The following SZT2 variants were observed in gnomAD, a reference collection of about 807,000 sequenced individuals.
SZT2 encodes the protein KICSTOR complex protein SZT2.
SZT2 carries 216 observed loss-of-function variants against 404.2 expected under a neutral mutation model. That is an observed-to-expected ratio of 0.53 (90% CI 0.48 to 0.60). The LOEUF is 0.60. SZT2 is among the 20% of genes least tolerant of loss of function. The pLI, the probability that SZT2 is intolerant of heterozygous loss-of-function variation, is 0.00. For missense variants in SZT2, 3,857 were observed against 4,459.2 expected (o/e 0.86, Z 3.85); for synonymous variants, 1,693 against 1,749.9 (o/e 0.97, Z 0.81).
intron 63 of SZT2, 90 bp from the exon 64 acceptor site, chr1:43,446,089 C>T: frequency 6.3e-7 from 1 of 1,583,132 alleles, no homozygotes; most frequent in Non-Finnish European, 8.7e-7. Context: ...CCCAGACTGA[C>T]ACCATTAAAG....
intron 4 of SZT2, among the ~76,000 whole-genome samples, chr1:43,410,908 G>A (rs970572189): frequency 2.0e-5 from 3 of 151,008 alleles, no homozygotes; most frequent in Non-Finnish European, 4.4e-5. Flanking sequence ...ATTGGGGGTT[G>A]GGGGGGGATC....
At chr1:43,435,582 A>G (rs1654376460) in intron 42 of SZT2, 1 of 400,032 alleles carries the variant, frequency 2.5e-6, no homozygotes, top group Non-Finnish European at 4.5e-6. Flanking sequence ...GAAAAGTGAA[A>G]GAGGGTGATA....
Position 43,442,639 on chromosome 1 carries a change from T to TC in SZT2, c.8151+23dup. 1 of 1,577,514 alleles carries TC rather than the reference T, an allele frequency of 6.3e-7. No individual in the cohort carries two copies. The highest frequency in any genetic ancestry group is 8.6e-7 in the Non-Finnish European group (1 of 1,160,914). ...AAAAGGTGCCTGCTGCTCTGGTTCT[T>TC]CCTATAGTTTTGGCTACTGAGGGGT... On this transcript the variant is annotated intron_variant, in intron 58 of 71. Transcript: ENST00000634258. The surrounding 1 kb of genome is among the most constrained non-coding windows in gnomAD (Gnocchi z 4.5).
At position 43,453,066 on chromosome 1, in the gene SZT2, G is replaced by C; in HGVS notation, c.*2586G>C. 1 of 991,746 alleles carries C rather than the reference G, an allele frequency of 1.0e-6. No individual in the cohort carries two copies. The highest frequency in any genetic ancestry group is 2.0e-5 in the Admixed American group (1 of 51,172). 61.4% of individuals were successfully genotyped at this position (991,746 alleles called of 1,614,324 possible). ...CTTTCTCTGATCCAGACAGGGTTAGGTGCCTACCCTGCTCCCACAGCTTCC... is the reference window on the plus strand; with the variant it reads ...CTTTCTCTGATCCAGACAGGGTTAGCTGCCTACCCTGCTCCCACAGCTTCC... On this transcript the variant is annotated 3_prime_UTR_variant, in exon 72 of 72. Transcript: ENST00000634258.
In SZT2 at chr1:43,403,229, C is replaced by T; in HGVS notation, c.80C>T (p.Ser27Phe). Residue 27 changes from serine to phenylalanine, a missense_variant, in exon 2 of 72, where the codon TCC (serine) becomes TTC (phenylalanine). Ser to Phe is a radical substitution (Grantham distance 155, BLOSUM62 -2). This residue lies in a region of SZT2 where 536 missense variants were observed against 637.4 expected (regional missense o/e 0.84). Coordinates refer to ENST00000634258, the MANE Select transcript of SZT2 (RefSeq NM_001365999.1). ...TTAATGAAAAAGGATTATCGAATCT[C>T]CCGAAATGTTCGCCTGGCTTGGTTC... Reference protein sequence around the residue: ...FLLMKKDYRISRNVRLAWFLS... With the variant: ...FLLMKKDYRIFRNVRLAWFLS... The T allele has an allele frequency of 6.2e-7, 1 of 1,614,132 alleles. No homozygotes were observed. Among genetic ancestry groups the T allele is most frequent in the Non-Finnish European group, 8.5e-7 (1 of 1,180,018 alleles).
At chr1:43,431,992 GA>G in intron 36 of SZT2, 91 bp downstream of exon 36, 1 of 1,466,954 alleles carries the variant, frequency 6.8e-7, no homozygotes, top group Non-Finnish European at 9.4e-7. Flanking sequence ...CTGTTAGTTC[GA>G]ACTCATAGAG....
Position 43,452,882 on chromosome 1 carries a change from C to T in SZT2, c.*2402C>T. The T allele has an allele frequency of 6.3e-7, 1 of 1,583,570 alleles. No individual in the cohort carries two copies. The highest frequency in any genetic ancestry group is 8.6e-7 in the Non-Finnish European group (1 of 1,165,812). On this transcript the variant is annotated 3_prime_UTR_variant, in exon 72 of 72. Transcript: ENST00000634258. ...CTCCAAGCAGACATTCCAGGCCTCC[C>T]CATCCCAACAGGCTACATACATGTC...
At position 43,426,031 on chromosome 1, in the gene SZT2, C is replaced by G; in HGVS notation, c.2930-7C>G. 6.2e-7 allele frequency: 1 copy of G among 1,613,938 alleles called. No homozygotes were observed. Among genetic ancestry groups the G allele is most frequent in the Non-Finnish European group, 8.5e-7 (1 of 1,179,898 alleles). Reference sequence around the variant, plus strand: ...TCTCACTGTGTCCTGTCCTTCCTCCCTCGTAGGATTGGATCAGGGAGGAGA... The same window carrying G: ...TCTCACTGTGTCCTGTCCTTCCTCCGTCGTAGGATTGGATCAGGGAGGAGA... On this transcript the variant is annotated splice_region_variant and splice_polypyrimidine_tract_variant and intron_variant, in intron 20 of 71. Coordinates refer to ENST00000634258, the MANE Select transcript of SZT2 (RefSeq NM_001365999.1). This position sits in a 1 kb window ranked among gnomAD's most constrained non-coding sequence, Gnocchi z 4.9.
Position 43,428,033 on chromosome 1 carries a change from C to G in SZT2, c.3834C>G (p.Ser1278=), listed in dbSNP as rs767656103. Residue 1278 remains serine, a synonymous_variant, in exon 27 of 72, where the codon TCC becomes TCG. Coordinates refer to ENST00000634258, the MANE Select transcript of SZT2 (RefSeq NM_001365999.1). ...AGTTCCTCGACCACCCCTCCCCATC[C>G]TCAGCCTGGATGGAACCCCGGTACA... ...RTQFLDHPSP[S]SAWMEPRYKE... The G allele has an allele frequency of 4.3e-6, 7 of 1,614,194 alleles. No individual in the cohort carries two copies. The highest frequency in any genetic ancestry group is 5.9e-6 in the Non-Finnish European group (7 of 1,180,028).
rs140080994 is a variant in SZT2 at position 43,432,400 on chromosome 1, G to A, written c.5403G>A (p.Trp1801Ter). 2 of 1,591,358 alleles carry A rather than the reference G, an allele frequency of 1.3e-6. No individual in the cohort carries two copies. Among genetic ancestry groups the A allele is most frequent in the East Asian group, 2.2e-5 (1 of 44,774 alleles). The change falls in exon 37 of 72, where the codon TGG becomes TGA. Residue 1801 changes from tryptophan to a stop codon, truncating the protein, a stop_gained. Transcript: ENST00000634258. LOFTEE classifies it high-confidence loss of function. The stretch of plus-strand genomic sequence containing the variant: ...AGCCTTCTTCAGCGGCCTGGGCTTG[G>A]CACAGTCATGAGGACAGGGCTGAAG... ...HGEPSSAAWA[W>*]HSHEDRAEGI... is the part of the protein sequence containing the mutation.
At chr1:43,413,927 G>A (rs1371391274) in intron 4 of SZT2, among the ~76,000 whole-genome samples, 1 of 152,148 alleles carries the variant, frequency 6.6e-6, no homozygotes, top group African/African-American at 2.4e-5. Context: ...GTAATTTATT[G>A]TACATTTAAA....
chr1:43,441,735 C>T lies in SZT2; in HGVS notation c.7659C>T (p.Leu2553=). ...RSSAHMVSRF[L]LPSILSEFTA... The stretch of plus-strand genomic sequence containing the variant: ...CTGCCCACATGGTGTCCCGGTTCCT[C>T]CTTCCATCCATCCTGTCTGAGTTCA... The change falls in exon 55 of 72, where the codon CTC becomes CTT. Residue 2553 remains leucine, a synonymous_variant. Transcript: ENST00000634258. The surrounding 1 kb of genome is among the most constrained non-coding windows in gnomAD (Gnocchi z 4.8). 1 of 1,614,206 alleles carries T rather than the reference C, an allele frequency of 6.2e-7. No homozygotes were observed.
rs1198661692 is a variant in SZT2, at chr1:43,443,716, T to C, written c.8745T>C (p.Ala2915=). 3.1e-6 allele frequency: 5 copies of C among 1,614,232 alleles called. No homozygotes were observed. Among genetic ancestry groups the C allele is most frequent in the Non-Finnish European group, 4.2e-6 (5 of 1,180,020 alleles). Reference sequence around the variant, plus strand: ...CTTGGCTGAAGGAGCTGAGCTTGGCTTTCCTGCAGCAATATGTGCAGTATC... The same window carrying C: ...CTTGGCTGAAGGAGCTGAGCTTGGCCTTCCTGCAGCAATATGTGCAGTATC... ...EEPWLKELSL[A]FLQQYVQYLQ... The change falls in exon 62 of 72, where the codon GCT becomes GCC. Residue 2915 remains alanine (A), a synonymous_variant. Coordinates refer to ENST00000634258, the MANE Select transcript of SZT2 (RefSeq NM_001365999.1).
Position 43,426,387 on chromosome 1 carries a change from C to G in SZT2, c.3063C>G (p.Phe1021Leu), listed in dbSNP as rs1291191469. 1 of 1,567,174 alleles carries G rather than the reference C, an allele frequency of 6.4e-7. No individual in the cohort carries two copies. Among genetic ancestry groups the G allele is most frequent in the Non-Finnish European group, 8.6e-7 (1 of 1,162,172 alleles). The change falls in exon 22 of 72, where the codon TTC becomes TTG. Residue 1021 changes from phenylalanine to leucine, a missense_variant. By Grantham distance (22) the Phe-to-Leu change is conservative. Transcript: ENST00000634258. This position sits in a 1 kb window ranked among gnomAD's most constrained non-coding sequence, Gnocchi z 4.9. ...LLAREPEGVP[F>L]AEGSCPANDM... The stretch of plus-strand genomic sequence containing the variant: ...GGGCAGAGCCAGAGGGTGTCCCTTT[C>G]GCCGAGGGGTCCTGTCCTGCCAACG...
At chr1:43,404,724 C>T (rs1374549974) in intron 4 of SZT2, 174 bp downstream of exon 4, 5 of 618,500 alleles carry the variant, frequency 8.1e-6, no homozygotes, top group African/African-American at 3.7e-5. Context: ...AGAACCAGTT[C>T]CTCTGGACTT....
chr1:43,447,443 C>A, intron 66 of SZT2, 102 bp from the exon 67 acceptor site: 3 of 1,461,204 alleles, frequency 2.1e-6, no homozygotes, highest in Non-Finnish European at 1.8e-6. Flanking sequence ...ACCCACTCTG[C>A]CTGCCAGTCA....
At position 43,440,524 on chromosome 1, in the gene SZT2, G is replaced by A. The variant is rs1412788408; in HGVS notation, c.7282G>A (p.Val2428Ile). The change falls in exon 52 of 72, where the codon GTC becomes ATC. Residue 2428 changes from valine (V) to isoleucine (I), a missense_variant. Val to Ile is a conservative substitution (Grantham distance 29). Around this residue, in one of 7 missense-constraint regions of SZT2, gnomAD observed 573 missense variants for 592.4 expected, o/e 0.97. Transcript: ENST00000634258. ...AGCTAGCACCTTTCCCCCTGCCCCT[G>A]TCCCTGGGGAGCCTGTGACTCCACC... ...GRASTFPPAP[V>I]PGEPVTPPSK... 3 of 1,608,588 alleles carry A rather than the reference G, an allele frequency of 1.9e-6. No homozygotes were observed. Among genetic ancestry groups the A allele is most frequent in the African/African-American group, 2.7e-5 (2 of 74,670 alleles).
chr1:43,420,219 G>A lies in SZT2; in HGVS notation c.1157G>A (p.Arg386His), dbSNP rs1471016177. The change falls in exon 9 of 72, where the codon CGC (arginine) becomes CAC (histidine). Residue 386 changes from arginine (R) to histidine (H), a missense_variant. Coordinates refer to ENST00000634258, the MANE Select transcript of SZT2 (RefSeq NM_001365999.1). The surrounding 1 kb of genome is among the most constrained non-coding windows in gnomAD (Gnocchi z 5.1). ...AGCAGCAACCCTGCCCTGGCCTTGC[G>A]CCGGAAGAAGCACACTGAGAAGGAG... is the stretch of plus-strand genomic sequence containing the variant. ...SASSNPALALRRKKHTEKEVP... is the reference protein window; with the variant it reads ...SASSNPALALHRKKHTEKEVP... 5.6e-6 allele frequency: 9 copies of A among 1,598,412 alleles called. No individual in the cohort carries two copies. The highest frequency in any genetic ancestry group is 6.8e-6 in the Non-Finnish European group (8 of 1,179,806).
Position 43,439,507 on chromosome 1 carries a change from C to G in SZT2, c.6877+65C>G. On this transcript the variant is annotated intron_variant, in intron 49 of 71. Coordinates refer to ENST00000634258, the MANE Select transcript of SZT2 (RefSeq NM_001365999.1). This position sits in a 1 kb window ranked among gnomAD's most constrained non-coding sequence, Gnocchi z 4.2. The stretch of plus-strand genomic sequence containing the variant: ...GGGAAAGCCTTTTGTCATCCTATTG[C>G]TAAGAGGACATTTCCCAGGCTTGCA... 6.3e-7 allele frequency: 1 copy of G among 1,597,746 alleles called. No individual in the cohort carries two copies. The highest frequency in any genetic ancestry group is 8.5e-7 in the Non-Finnish European group (1 of 1,169,872).
Sources: allele counts gnomAD v4.1 joint callset (sites outside exome capture counted in the v4.1 genomes callset), GRCh38; gene constraint gnomAD v4.1.1; regional missense constraint gnomAD v4.1.1; non-coding constraint Gnocchi (gnomAD v3.1); transcripts MANE v1.5; gene names NCBI Gene and HGNC (gene_info 2026-07-23, HGNC 2026-07-21).